The following TENM3 variants were observed in gnomAD, a reference collection of about 807,000 sequenced individuals.
TENM3 encodes the protein teneurin transmembrane protein 3, also known as teneurin-3.
Under a neutral mutation model 255.1 loss-of-function variants are expected in TENM3, and 63 were observed. The ratio of observed to expected loss-of-function variants is 0.25; its 90% CI spans 0.20 to 0.30. The LOEUF (loss-of-function observed/expected upper bound fraction) is 0.30, where lower values mean the gene tolerates loss of function less well. Among genes scored for constraint, TENM3 ranks in the 10% least tolerant of loss-of-function variants. The pLI, the probability that TENM3 is intolerant of heterozygous loss-of-function variation, is 1.00. For synonymous variants in TENM3, 1,306 were observed against 1,322.3 expected (o/e 0.99, Z 0.27); for missense variants, 2,929 against 3,461.1 (o/e 0.85, Z 3.86).
chr4:181,465,980 T>G, the TENM3 span, among the ~76,000 whole-genome samples: 1 of 152,104 alleles, frequency 6.6e-6, no homozygotes, highest in Non-Finnish European at 1.5e-5. Flanking sequence ...ACTCCACACT[T>G]TACCTTCAAA....
At chr4:182,370,137 A>G (rs550819393) in intron 3 of TENM3, among the ~76,000 whole-genome samples, 2 of 152,322 alleles carry the variant, frequency 1.3e-5, no homozygotes, top group East Asian at 3.9e-4. Context: ...GATTTCTCTC[A>G]AGGGAGGAAA....
chr4:181,985,387 T>C, the TENM3 span, among the ~76,000 whole-genome samples: 1 of 152,006 alleles, frequency 6.6e-6, no homozygotes, highest in Non-Finnish European at 1.5e-5. Flanking sequence ...AAGCTGAGAC[T>C]GCTTTACTGA....
chr4:181,999,173 A>C, the TENM3 span, among the ~76,000 whole-genome samples: 1 of 152,094 alleles, frequency 6.6e-6, no homozygotes, highest in Non-Finnish European at 1.5e-5. Flanking sequence ...TCCTTCTGTT[A>C]CAGGATATGC....
chr4:182,516,293 C>T (rs1737940251), intron 3 of TENM3, among the ~76,000 whole-genome samples: 1 of 152,162 alleles, frequency 6.6e-6, no homozygotes, highest in Non-Finnish European at 1.5e-5. Context: ...GATTATTATT[C>T]AATGAGATAA....
At chr4:181,681,040 C>T in the TENM3 span, among the ~76,000 whole-genome samples, 2 of 151,964 alleles carry the variant, frequency 1.3e-5, no homozygotes, top group African/African-American at 4.8e-5. Flanking sequence ...TGGAGGTATA[C>T]TACACGTTAT....
At chr4:181,753,754 T>C in the TENM3 span, among the ~76,000 whole-genome samples, 1 of 152,336 alleles carries the variant, frequency 6.6e-6, no homozygotes, top group East Asian at 1.9e-4. Context: ...TAGGTACTGC[T>C]TATTATTTGC....
rs1766198751 is a variant in TENM3, at chr4:182,792,624, T to A, written c.5952T>A (p.Ser1984Arg). Reference protein sequence around the residue: ...AGVLKTVNLQSDGFICTIRYR... With the variant: ...AGVLKTVNLQRDGFICTIRYR... Reference sequence around the variant, plus strand: ...TCCTAAAGACAGTAAACCTCCAGAGTGATGGTTTTATTTGCACCATTAGAT... The same window carrying A: ...TCCTAAAGACAGTAAACCTCCAGAGAGATGGTTTTATTTGCACCATTAGAT... Residue 1984 changes from serine to arginine, a missense_variant, in exon 26 of 28, where the codon AGT becomes AGA. Physicochemically the swap from Ser to Arg is moderately radical, Grantham distance 110 (BLOSUM62 -1). Transcript: ENST00000511685. The surrounding 1 kb of genome is among the most constrained non-coding windows in gnomAD (Gnocchi z 6.3). 1 of 1,613,886 alleles carries A rather than the reference T, an allele frequency of 6.2e-7. No individual in the cohort carries two copies. The highest frequency in any genetic ancestry group is 1.3e-5 in the African/African-American group (1 of 74,988).
the TENM3 span, among the ~76,000 whole-genome samples, chr4:181,993,036 G>T: frequency 6.6e-6 from 1 of 152,028 alleles, no homozygotes; most frequent in Non-Finnish European, 1.5e-5. Flanking sequence ...ATACTTTTAT[G>T]ATGTTAGACA....
At chr4:181,777,654 T>C in the TENM3 span, among the ~76,000 whole-genome samples, 1 of 152,156 alleles carries the variant, frequency 6.6e-6, no homozygotes, top group African/African-American at 2.4e-5. Context: ...AGGTCAATGA[T>C]TATTTGGGGT....
At chr4:181,815,462 CAA>C in the TENM3 span, among the ~76,000 whole-genome samples, 6 of 82,064 alleles carry the variant, frequency 7.3e-5, no homozygotes, top group Admixed American at 1.7e-4. Flanking sequence ...GACTCCCTAT[CAA>C]AAAAAAAAAA....
At chr4:182,568,866 T>C (rs1464758170) in intron 3 of TENM3, among the ~76,000 whole-genome samples, 4 of 152,174 alleles carry the variant, frequency 2.6e-5, no homozygotes, top group Non-Finnish European at 5.9e-5. Flanking sequence ...TAAGCAAAAG[T>C]GGCCAGGCAC....
the TENM3 span, among the ~76,000 whole-genome samples, chr4:181,576,244 C>T: frequency 2.8e-3 from 425 of 152,286 alleles, 4 homozygotes; most frequent in Non-Finnish European, 5.1e-3. Context: ...TAATGGCCTC[C>T]AGTTCCGTCC....
At chr4:182,119,016 C>T in the TENM3 span, among the ~76,000 whole-genome samples, 15,316 of 152,100 alleles carry the variant, frequency 0.1, 1,038 homozygotes, top group South Asian at 0.16. Context: ...TTCCGTAGTC[C>T]CATGACAGGG....
At chr4:182,615,042 A>ATACAT (rs1553999648) in intron 4 of TENM3, among the ~76,000 whole-genome samples, 1 of 57,462 alleles carries the variant, frequency 1.7e-5, no homozygotes, top group African/African-American at 4.5e-5. Flanking sequence ...AAAAAAAAAA[A>ATACAT]ATACATATAT....
chr4:182,391,289 G>A (rs997236291), intron 3 of TENM3, among the ~76,000 whole-genome samples: 1 of 152,276 alleles, frequency 6.6e-6, no homozygotes, highest in South Asian at 2.1e-4. Context: ...CTGAGGCCCA[G>A]ATAAATTAAC....
At chr4:181,989,840 G>A in the TENM3 span, among the ~76,000 whole-genome samples, 2 of 151,974 alleles carry the variant, frequency 1.3e-5, no homozygotes, top group Non-Finnish European at 2.9e-5. Context: ...ATAAGTGACT[G>A]GAATAATTAA....
At chr4:181,701,897 G>A in the TENM3 span, among the ~76,000 whole-genome samples, 3 of 152,124 alleles carry the variant, frequency 2.0e-5, no homozygotes, top group Admixed American at 2.0e-4. Context: ...AATATGCTCG[G>A]GGAACAGGAG....
At chr4:181,845,873 T>C in the TENM3 span, among the ~76,000 whole-genome samples, 1 of 152,252 alleles carries the variant, frequency 6.6e-6, no homozygotes, top group African/African-American at 2.4e-5. Flanking sequence ...AATGTGCTTC[T>C]CTCAGAGAAG....
At chr4:182,139,847 G>A (rs1268581626), upstream of TENM3, among the ~76,000 whole-genome samples, 1 of 152,182 alleles carries the variant, frequency 6.6e-6, no homozygotes, top group Non-Finnish European at 1.5e-5. Context: ...TTACACCATG[G>A]AATACAAACG....
Sources: allele counts gnomAD v4.1 joint callset (sites outside exome capture counted in the v4.1 genomes callset), GRCh38; gene constraint gnomAD v4.1.1; non-coding constraint Gnocchi (gnomAD v3.1); transcripts MANE v1.5; gene names NCBI Gene and HGNC (gene_info 2026-07-23, HGNC 2026-07-21).